Variants in MARCHF1 observed in about 807,000 individuals in gnomAD.
MARCHF1 encodes the protein E3 ubiquitin-protein ligase MARCHF1.
A neutral mutation model predicts 54.2 loss-of-function variants in MARCHF1; 40 were observed. The observed-to-expected ratio is 0.74, with a 90% CI of 0.57 to 0.96. The LOEUF (loss-of-function observed/expected upper bound fraction) is 0.96, where lower values mean the gene tolerates loss of function less well. MARCHF1 is among the 40% of genes least tolerant of loss of function. MARCHF1 has a pLI of 0.00. For missense variants in MARCHF1, 586 were observed against 656.5 expected, an observed-to-expected ratio of 0.89 and a Z score of 1.17; for synonymous variants, 236 against 236.3, an observed-to-expected ratio of 1.00 and a Z score of 0.01.
intron 3 of MARCHF1, among the ~76,000 whole-genome samples, chr4:163,905,104 T>C (rs1434867973): frequency 2.0e-5 from 3 of 152,134 alleles, no homozygotes; most frequent in Non-Finnish European, 4.4e-5. Flanking sequence ...AAGGTCTTAC[T>C]TTGATACCTT....
Position 164,322,626 on chromosome 4 carries a change from C to A in MARCHF1, c.-323+61244G>T, listed in dbSNP as rs540728762. 8.5e-5 allele frequency among the ~76,000 whole-genome samples: 13 copies of A among 152,092 alleles called. No homozygotes were observed. The South Asian group carries it at 2.5e-3, about 29-fold the overall frequency. ...TGCTTGAAGGGATGGATACTCCATT[C>A]TTCATGATGTTCTTGTTTTACATTG... On this transcript the variant is annotated intron_variant, in intron 1 of 9. Transcript: ENST00000514618.
At chr4:163,643,596 C>A (rs1742643295) in intron 5 of MARCHF1, among the ~76,000 whole-genome samples, 1 of 152,088 alleles carries the variant, frequency 6.6e-6, no homozygotes, top group African/African-American at 2.4e-5. Context: ...ATGGGGATGT[C>A]AGGGTACAAG....
rs1472677372 is a variant in MARCHF1 at position 163,528,593 on chromosome 4, T to A, written c.*155A>T. On this transcript the variant is annotated 3_prime_UTR_variant, in exon 10 of 10. Coordinates refer to ENST00000514618, the MANE Select transcript of MARCHF1 (RefSeq NM_001394959.1). ...CTCCTGGGCATTTGGTCTGTTTGTT[T>A]TTCTCCTTTCCTCTTTGAACAAAGT... 8 of 735,860 alleles carry A rather than the reference T, an allele frequency of 1.1e-5. No individual in the cohort carries two copies. The highest frequency in any genetic ancestry group is 1.7e-5 in the Non-Finnish European group (8 of 461,894). The allele number at this position is 735,860 out of a possible 1,614,324, so 45.6% of individuals were successfully genotyped here.
chr4:163,550,438 T>C (rs1739070859), intron 8 of MARCHF1, among the ~76,000 whole-genome samples: 1 of 151,944 alleles, frequency 6.6e-6, no homozygotes, highest in Non-Finnish European at 1.5e-5. Context: ...GTTTTCAATC[T>C]ATAGAATGAT....
chr4:163,705,952 A>G (rs1405636147), intron 4 of MARCHF1, among the ~76,000 whole-genome samples: 1 of 152,078 alleles, frequency 6.6e-6, no homozygotes, highest in Non-Finnish European at 1.5e-5. Flanking sequence ...ACTGCAGCTA[A>G]TTAGACTTTA....
In MARCHF1 at chr4:164,204,217, AT is replaced by A. The variant is rs1484647820; in HGVS notation, c.-322-92556del. Among the ~76,000 whole-genome samples the A allele has an allele frequency of 6.6e-5, 10 of 152,338 alleles. No homozygotes were observed. In the East Asian group the frequency reaches 1.7e-3, roughly 26 times the overall value. ...GTCAAAAATTCTCAGATTTAACGTCATTTCATCAAAGTAAAAAACAACAAAC... is the reference window on the plus strand; with the variant it reads ...GTCAAAAATTCTCAGATTTAACGTCATTCATCAAAGTAAAAAACAACAAAC... On this transcript the variant is annotated intron_variant, in intron 1 of 9. Transcript: ENST00000514618.
intron 1 of MARCHF1, among the ~76,000 whole-genome samples, chr4:164,332,921 T>C (rs1356910154): frequency 6.6e-6 from 1 of 152,126 alleles, no homozygotes; most frequent in Non-Finnish European, 1.5e-5. Context: ...TATAGTAAAG[T>C]ATAATGAAAG....
intron 4 of MARCHF1, among the ~76,000 whole-genome samples, chr4:163,753,589 C>T (rs1471066940): frequency 6.6e-6 from 1 of 151,966 alleles, no homozygotes; most frequent in African/African-American, 2.4e-5. Context: ...AACTCTGAGC[C>T]TTACTAGTTC....
chr4:163,863,250 C>T (rs1214083610), intron 3 of MARCHF1, among the ~76,000 whole-genome samples: 2 of 152,056 alleles, frequency 1.3e-5, no homozygotes. Flanking sequence ...AGAACCACCT[C>T]ACTGAAGATG....
At chr4:164,072,310 G>A (rs1461743463) in intron 2 of MARCHF1, among the ~76,000 whole-genome samples, 3 of 152,140 alleles carry the variant, frequency 2.0e-5, no homozygotes, top group African/African-American at 4.8e-5. Flanking sequence ...ACAAGACTAG[G>A]TGCGATGGCT....
intron 3 of MARCHF1, among the ~76,000 whole-genome samples, chr4:163,923,048 G>C (rs1751464750): frequency 1.3e-5 from 2 of 152,118 alleles, no homozygotes; most frequent in South Asian, 4.2e-4. Flanking sequence ...CATTCACAAG[G>C]CTTGAAAAAA....
At position 163,763,833 on chromosome 4, in the gene MARCHF1, A is replaced by G. The variant is rs537437602; in HGVS notation, c.112-62970T>C. On this transcript the variant is annotated intron_variant, in intron 4 of 9. Transcript: ENST00000514618. Reference sequence around the variant, plus strand: ...TGTCACTCATTCTATTCTAGTGTGTATTAAGTAAATAGGTAAATTAAATCA... The same window carrying G: ...TGTCACTCATTCTATTCTAGTGTGTGTTAAGTAAATAGGTAAATTAAATCA... 5.9e-5 allele frequency among the ~76,000 whole-genome samples: 9 copies of G among 152,170 alleles called. No individual in the cohort carries two copies. The South Asian group carries it at 6.2e-4, about 11-fold the overall frequency.
In MARCHF1 at chr4:164,048,855, A is replaced by G. The variant is rs540430245; in HGVS notation, c.-247-60146T>C. On this transcript the variant is annotated intron_variant, in intron 2 of 9. Transcript: ENST00000514618. ...TAGCTGCTTTCATAAAAGATTTTGTATACCTCTATTTGTCATCTAATCTGC... is the reference window on the plus strand; with the variant it reads ...TAGCTGCTTTCATAAAAGATTTTGTGTACCTCTATTTGTCATCTAATCTGC... Among the ~76,000 whole-genome samples the G allele has an allele frequency of 5.3e-5, 8 of 152,290 alleles. No individual in the cohort carries two copies. The East Asian group carries it at 1.4e-3, about 26-fold the overall frequency.
rs533463498 is a variant in MARCHF1 at position 164,322,691 on chromosome 4, A to G, written c.-323+61179T>C. ...AACATCTCATGCATCCCATAAGTAT[A>G]TACACCTACTATGTATTCACAAAAA... On this transcript the variant is annotated intron_variant, in intron 1 of 9. Transcript: ENST00000514618. Among the ~76,000 whole-genome samples, 8 of 152,176 alleles carry G rather than the reference A, an allele frequency of 5.3e-5. No homozygotes were observed. In the East Asian group the frequency reaches 1.5e-3, roughly 29 times the overall value.
chr4:164,169,958 T>C (rs948329862), intron 1 of MARCHF1, among the ~76,000 whole-genome samples: 1 of 152,120 alleles, frequency 6.6e-6, no homozygotes, highest in African/African-American at 2.4e-5. Flanking sequence ...TTAACAACAG[T>C]AACTCATGCC....
intron 2 of MARCHF1, among the ~76,000 whole-genome samples, chr4:164,040,041 C>A (rs964133310): frequency 7.0e-6 from 1 of 143,842 alleles, no homozygotes; most frequent in African/African-American, 2.5e-5. Context: ...TATATACAAG[C>A]ATAATTTATA....
At chr4:163,619,246 G>GT (rs1741604356) in intron 5 of MARCHF1, among the ~76,000 whole-genome samples, 1 of 152,276 alleles carries the variant, frequency 6.6e-6, no homozygotes, top group Non-Finnish European at 1.5e-5. Context: ...TACTAGAAAG[G>GT]TCATTTTGGC....
At chr4:164,267,067 C>T (rs1233183430) in intron 1 of MARCHF1, among the ~76,000 whole-genome samples, 1 of 152,028 alleles carries the variant, frequency 6.6e-6, no homozygotes, top group East Asian at 1.9e-4. Context: ...GACACAAATA[C>T]CTAACATAGA....
intron 1 of MARCHF1, chr4:164,188,551 C>G: frequency 1.3e-6 from 1 of 749,908 alleles, no homozygotes; most frequent in Non-Finnish European, 2.5e-6. Context: ...ACAATCAGAG[C>G]AAACGCATCA....
Sources: allele counts gnomAD v4.1 joint callset (sites outside exome capture counted in the v4.1 genomes callset), GRCh38; gene constraint gnomAD v4.1.1; transcripts MANE v1.5; gene names NCBI Gene and HGNC (gene_info 2026-07-23, HGNC 2026-07-21).